Variants in PTPRR observed in about 807,000 individuals in gnomAD.
PTPRR encodes the protein protein tyrosine phosphatase receptor type R, also known as receptor-type tyrosine-protein phosphatase R.
In PTPRR, 38 loss-of-function variants were observed where a neutral mutation model predicts 77.2. The ratio of observed to expected loss-of-function variants is 0.49; its 90% CI spans 0.38 to 0.65. PTPRR has a LOEUF of 0.65. Among genes scored for constraint, PTPRR ranks in the 30% least tolerant of loss-of-function variants. The pLI is 0.00. For synonymous variants in PTPRR, 299 were observed against 283.1 expected, an observed-to-expected ratio of 1.06 and a Z score of -0.57; for missense variants, 744 against 799.2, an observed-to-expected ratio of 0.93 and a Z score of 0.83.
At chr12:70,878,312 C>A (rs1893088150) in intron 2 of PTPRR, among the ~76,000 whole-genome samples, 2 of 152,152 alleles carry the variant, frequency 1.3e-5, no homozygotes, top group East Asian at 1.9e-4. Flanking sequence ...AGTGAACAGG[C>A]AACCTTCAGA....
At chr12:70,724,692 G>A (rs1889373736) in intron 6 of PTPRR, among the ~76,000 whole-genome samples, 1 of 152,058 alleles carries the variant, frequency 6.6e-6, no homozygotes, top group South Asian at 2.1e-4. Context: ...ACTGTTACAA[G>A]TAGTGTTGGT....
At chr12:70,680,899 G>T (rs1326703122) in intron 10 of PTPRR, among the ~76,000 whole-genome samples, 1 of 152,184 alleles carries the variant, frequency 6.6e-6, no homozygotes, top group African/African-American at 2.4e-5. Flanking sequence ...CCACTGGTTT[G>T]GGTGGGACTC....
intron 2 of PTPRR, among the ~76,000 whole-genome samples, chr12:70,769,801 C>A (rs1890923863): frequency 6.6e-6 from 1 of 151,850 alleles, no homozygotes; most frequent in Non-Finnish European, 1.5e-5. Context: ...GGTACTGGTA[C>A]CAAAACAGAG....
At chr12:70,767,758 C>A (rs1481814478) in intron 2 of PTPRR, among the ~76,000 whole-genome samples, 6 of 152,102 alleles carry the variant, frequency 3.9e-5, no homozygotes, top group African/African-American at 1.4e-4. Flanking sequence ...TGACCACATA[C>A]TTGGAAGTAA....
chr12:70,707,605 A>C (rs1440690383), intron 6 of PTPRR, among the ~76,000 whole-genome samples: 2 of 152,118 alleles, frequency 1.3e-5, no homozygotes, highest in Admixed American at 1.3e-4. Flanking sequence ...ACATCCTTGT[A>C]CTTCAATGTT....
chr12:70,691,100 A>G (rs779033130), intron 8 of PTPRR, among the ~76,000 whole-genome samples: 7 of 152,084 alleles, frequency 4.6e-5, no homozygotes, highest in Non-Finnish European at 1.0e-4. Flanking sequence ...CAAACTTCTG[A>G]AAGAGTTTAT....
intron 6 of PTPRR, among the ~76,000 whole-genome samples, chr12:70,705,123 A>G (rs1402407850): frequency 6.6e-6 from 1 of 152,176 alleles, no homozygotes; most frequent in African/African-American, 2.4e-5. Flanking sequence ...TTAACTAAAA[A>G]GGAAAATATG....
At chr12:70,669,671 C>T (rs970281599) in intron 10 of PTPRR, among the ~76,000 whole-genome samples, 1 of 151,876 alleles carries the variant, frequency 6.6e-6, no homozygotes, top group East Asian at 1.9e-4. Flanking sequence ...CTCAAGCGAT[C>T]CTCTGGTCTC....
intron 1 of PTPRR, among the ~76,000 whole-genome samples, chr12:70,909,478 A>G (rs549569522): frequency 6.6e-6 from 1 of 152,324 alleles, no homozygotes; most frequent in African/African-American, 2.4e-5. Context: ...CCTTTCCGGA[A>G]CAAAGCATTT....
intron 2 of PTPRR, among the ~76,000 whole-genome samples, chr12:70,878,845 C>A (rs987618519): frequency 6.6e-6 from 1 of 152,270 alleles, no homozygotes; most frequent in Non-Finnish European, 1.5e-5. Context: ...AGACTTGGAA[C>A]CAACCCAAAT....
At chr12:70,710,986 G>T (rs1054285564) in intron 6 of PTPRR, among the ~76,000 whole-genome samples, 3 of 151,984 alleles carry the variant, frequency 2.0e-5, no homozygotes, top group African/African-American at 7.2e-5. Context: ...TGAAAGACAC[G>T]GTGGCAATTC....
chr12:70,710,691 C>A lies in PTPRR; in HGVS notation c.1008-9368G>T, dbSNP rs1408249166. 2.6e-5 allele frequency among the ~76,000 whole-genome samples: 4 copies of A among 151,980 alleles called. No homozygotes were observed. The South Asian group carries it at 8.3e-4, about 32-fold the overall frequency. The stretch of plus-strand genomic sequence containing the variant: ...TCTAATATCCAGCATCTATAAGGAA[C>A]CTTAACAAATTTACAAGAAAAAAAA... On this transcript the variant is annotated intron_variant, in intron 6 of 13. Coordinates refer to ENST00000283228, the MANE Select transcript of PTPRR (RefSeq NM_002849.4).
chr12:70,843,608 G>A (rs183034213), intron 2 of PTPRR, among the ~76,000 whole-genome samples: 23 of 152,148 alleles, frequency 1.5e-4, no homozygotes, highest in African/African-American at 4.8e-4. Flanking sequence ...ATGATTCTGC[G>A]CCGAGTAGTT....
intron 10 of PTPRR, 140 bp downstream of exon 10, chr12:70,683,987 G>T: frequency 1.2e-6 from 1 of 814,290 alleles, no homozygotes; most frequent in Non-Finnish European, 1.8e-6. Context: ...TATTATATTT[G>T]GGATGTATTA....
intron 2 of PTPRR, among the ~76,000 whole-genome samples, chr12:70,780,535 G>A (rs1253673439): frequency 1.3e-5 from 2 of 151,864 alleles, no homozygotes; most frequent in Non-Finnish European, 2.9e-5. Context: ...TAAGGTTGTG[G>A]TATTTTTAGT....
chr12:70,753,313 A>G (rs1890461832), intron 5 of PTPRR, among the ~76,000 whole-genome samples: 1 of 152,178 alleles, frequency 6.6e-6, no homozygotes, highest in Non-Finnish European at 1.5e-5. Flanking sequence ...TTGTGGAGAG[A>G]AATAAGTAAC....
chr12:70,680,854 A>C (rs1469442236), intron 10 of PTPRR, among the ~76,000 whole-genome samples: 4 of 152,064 alleles, frequency 2.6e-5, no homozygotes, highest in Non-Finnish European at 4.4e-5. Context: ...AGTGCACCCA[A>C]CTGTTGAGTG....
chr12:70,770,457 G>T (rs1890944887), intron 2 of PTPRR, among the ~76,000 whole-genome samples: 1 of 152,108 alleles, frequency 6.6e-6, no homozygotes, highest in African/African-American at 2.4e-5. Flanking sequence ...TAACCACAAT[G>T]AGATACCATC....
At chr12:70,679,790 G>C (rs1887588987) in intron 10 of PTPRR, among the ~76,000 whole-genome samples, 1 of 152,068 alleles carries the variant, frequency 6.6e-6, no homozygotes, top group Non-Finnish European at 1.5e-5. Flanking sequence ...CATGTGAAGT[G>C]AGTTTCTTAT....
Sources: allele counts gnomAD v4.1 joint callset (sites outside exome capture counted in the v4.1 genomes callset), GRCh38; gene constraint gnomAD v4.1.1; transcripts MANE v1.5; gene names NCBI Gene and HGNC (gene_info 2026-07-23, HGNC 2026-07-21).